The following FGF14 variants were observed in gnomAD, a reference collection of about 807,000 sequenced individuals.
FGF14 encodes fibroblast growth factor 14.
FGF14 carries 5 observed loss-of-function variants against 25.5 expected under a neutral mutation model. The observed-to-expected ratio is 0.20, with a 90% CI of 0.10 to 0.41. The LOEUF (loss-of-function observed/expected upper bound fraction) is 0.41, where lower values mean the gene tolerates loss of function less well. Among genes scored for constraint, FGF14 ranks in the 10% least tolerant of loss-of-function variants. The probability of loss-of-function intolerance (pLI) is 1.00; values close to 1 mark genes in which losing one functional copy is unlikely to be tolerated. For missense variants in FGF14, 222 were observed against 320.1 expected (o/e 0.69, Z 2.34); for synonymous variants, 138 against 118.3 (o/e 1.17, Z -1.08).
chr13:101,741,468 C>T (rs769671841), intron 3 of FGF14, among the ~76,000 whole-genome samples: 28 of 152,000 alleles, frequency 1.8e-4, no homozygotes, highest in Non-Finnish European at 3.4e-4. Flanking sequence ...TCAGTGAATC[C>T]ATTAAACATC....
chr13:101,844,294 A>G (rs2043337612), intron 3 of FGF14, among the ~76,000 whole-genome samples: 1 of 152,064 alleles, frequency 6.6e-6, no homozygotes, highest in Non-Finnish European at 1.5e-5. Flanking sequence ...ACTTATACAG[A>G]GATCACTGTT....
chr13:102,047,645 C>T (rs1356671253), intron 1 of FGF14, among the ~76,000 whole-genome samples: 1 of 151,910 alleles, frequency 6.6e-6, no homozygotes, highest in African/African-American at 2.4e-5. Context: ...CACATGGACA[C>T]AGGAAGGGGA....
chr13:101,859,326 G>A (rs544534454), intron 3 of FGF14, among the ~76,000 whole-genome samples: 1 of 152,236 alleles, frequency 6.6e-6, no homozygotes, highest in African/African-American at 2.4e-5. Context: ...AGAAAAGATA[G>A]AACTCTTAGA....
At chr13:101,783,997 G>A (rs984114744) in intron 3 of FGF14, among the ~76,000 whole-genome samples, 1 of 152,118 alleles carries the variant, frequency 6.6e-6, no homozygotes, top group Non-Finnish European at 1.5e-5. Context: ...TCAGATAGTT[G>A]TAAGTGTGCA....
At chr13:102,093,240 A>G (rs1294409797) in intron 1 of FGF14, among the ~76,000 whole-genome samples, 1 of 152,192 alleles carries the variant, frequency 6.6e-6, no homozygotes, top group Non-Finnish European at 1.5e-5. Flanking sequence ...ATATATGTCA[A>G]TACAAGCCTA....
intron 1 of FGF14, among the ~76,000 whole-genome samples, chr13:102,072,519 T>C (rs571431651): frequency 6.6e-6 from 1 of 152,214 alleles, no homozygotes; most frequent in South Asian, 2.1e-4. Context: ...GCCCTACAAG[T>C]TCTTAACAAA....
chr13:101,839,263 T>C (rs955163630), intron 3 of FGF14, among the ~76,000 whole-genome samples: 1 of 152,072 alleles, frequency 6.6e-6, no homozygotes, highest in African/African-American at 2.4e-5. Flanking sequence ...TAGGGTCTCT[T>C]TGATTCCTTC....
intron 1 of FGF14, among the ~76,000 whole-genome samples, chr13:102,151,260 T>A (rs907302000): frequency 2.6e-5 from 4 of 152,146 alleles, no homozygotes; most frequent in Admixed American, 2.6e-4. Flanking sequence ...TGCTAAATCC[T>A]AATGGAAGTA....
intron 1 of FGF14, among the ~76,000 whole-genome samples, chr13:102,147,322 G>A (rs1594143663): frequency 6.6e-6 from 1 of 152,254 alleles, no homozygotes; most frequent in East Asian, 1.9e-4. Flanking sequence ...AATTTGACCA[G>A]GTAAGATTCA....
chr13:101,953,085 T>C (rs2036277556), intron 1 of FGF14, among the ~76,000 whole-genome samples: 1 of 151,540 alleles, frequency 6.6e-6, no homozygotes. Flanking sequence ...GCCCATTTTT[T>C]ACCCTCCCTC....
chr13:102,129,625 T>C (rs2046101626), intron 1 of FGF14, among the ~76,000 whole-genome samples: 1 of 151,912 alleles, frequency 6.6e-6, no homozygotes, highest in Admixed American at 6.6e-5. Context: ...AAGCACAAGT[T>C]TCAAAAAATT....
At chr13:102,395,306 A>G (rs2058553481) in intron 1 of FGF14, 2 of 152,196 alleles carry the variant, frequency 1.3e-5, no homozygotes, top group Admixed American at 6.5e-5. Flanking sequence ...AGGGTCTGGC[A>G]ACTATGAACC....
chr13:102,146,154 T>C (rs991915697), intron 1 of FGF14, among the ~76,000 whole-genome samples: 2 of 152,218 alleles, frequency 1.3e-5, no homozygotes, highest in South Asian at 2.1e-4. Flanking sequence ...TCAGTGTCAG[T>C]TGGGGAAAAA....
At chr13:102,204,671 C>A (rs7337072) in intron 1 of FGF14, among the ~76,000 whole-genome samples, 2 of 152,068 alleles carry the variant, frequency 1.3e-5, no homozygotes, top group South Asian at 4.2e-4. Context: ...CTCAGCCTCC[C>A]GAGTAGCTGG....
At chr13:102,218,611 A>G (rs1050296648) in intron 1 of FGF14, among the ~76,000 whole-genome samples, 3 of 152,068 alleles carry the variant, frequency 2.0e-5, no homozygotes, top group Non-Finnish European at 4.4e-5. Context: ...CATCATATTT[A>G]TTTCTATGTT....
At chr13:102,305,340 T>TA (rs1238815240) in intron 1 of FGF14, among the ~76,000 whole-genome samples, 1 of 151,528 alleles carries the variant, frequency 6.6e-6, no homozygotes, top group Non-Finnish European at 1.5e-5. Context: ...CTCTGAACTT[T>TA]AAAAAAAAAT....
chr13:102,177,584 G>T (rs986854052), intron 1 of FGF14, among the ~76,000 whole-genome samples: 2 of 152,034 alleles, frequency 1.3e-5, no homozygotes, highest in Non-Finnish European at 2.9e-5. Context: ...TGCATCTGCT[G>T]ATGTCTGGGT....
intron 3 of FGF14, among the ~76,000 whole-genome samples, chr13:101,811,894 CT>C (rs2041530072): frequency 6.6e-6 from 1 of 152,054 alleles, no homozygotes; most frequent in Non-Finnish European, 1.5e-5. Context: ...TTAAGTTTAT[CT>C]TGTATGTATA....
rs535386429 is a variant in FGF14, at chr13:102,226,102, C to T, written c.208+175369G>A. Among the ~76,000 whole-genome samples, 3 of 152,276 alleles carry T rather than the reference C, an allele frequency of 2.0e-5. No individual in the cohort carries two copies. In the East Asian group the frequency reaches 5.8e-4, roughly 29 times the overall value. On this transcript the variant is annotated intron_variant, in intron 1 of 4. Coordinates refer to the FGF14 transcript ENST00000376131. ...GCAATTTCCTCCAAATGATAGTGCA[C>T]CAGGAAGTCTGCCAGCTGGCCCGTC...
Sources: allele counts gnomAD v4.1 joint callset (sites outside exome capture counted in the v4.1 genomes callset), GRCh38; gene constraint gnomAD v4.1.1; transcripts MANE v1.5; gene names NCBI Gene and HGNC (gene_info 2026-07-23, HGNC 2026-07-21).